NRG3: variants seen among roughly 807,000 people sequenced by gnomAD.
NRG3 encodes neuregulin 3.
NRG3 carries 31 observed loss-of-function variants against 66.9 expected under a neutral mutation model. The ratio of observed to expected loss-of-function variants is 0.46; its 90% CI spans 0.35 to 0.63. NRG3 has a LOEUF of 0.63. NRG3 is among the 20% of genes least tolerant of loss of function. The pLI is 0.00. For missense variants in NRG3, 910 were observed against 878.9 expected, an observed-to-expected ratio of 1.04 and a Z score of -0.45; for synonymous variants, 393 against 359.4, an observed-to-expected ratio of 1.09 and a Z score of -1.06.
intron 2 of NRG3, among the ~76,000 whole-genome samples, chr10:82,502,039 G>A (rs543832552): frequency 6.6e-5 from 10 of 152,300 alleles, no homozygotes; most frequent in African/African-American, 2.4e-4. Flanking sequence ...AAGAGATCCA[G>A]TGTCTTAAGT....
intron 1 of NRG3, among the ~76,000 whole-genome samples, chr10:82,131,902 C>T (rs1242464170): frequency 6.6e-6 from 1 of 151,962 alleles, no homozygotes; most frequent in African/African-American, 2.4e-5. Context: ...CAACTTTGCT[C>T]AGTTTGTTTA....
intron 1 of NRG3, among the ~76,000 whole-genome samples, chr10:82,328,355 T>C (rs2081974932): frequency 6.6e-6 from 1 of 152,212 alleles, no homozygotes; most frequent in Non-Finnish European, 1.5e-5. Context: ...GATTAAGGAA[T>C]TTTTAAAATT....
rs184108987 is a variant in NRG3, at chr10:82,845,080, G to A, written c.1028-20331G>A. Among the ~76,000 whole-genome samples, 47 of 152,244 alleles carry A rather than the reference G, an allele frequency of 3.1e-4. 1 individual carries two copies. Among genetic ancestry groups the A allele is most frequent in the Middle Eastern group, 6.8e-3 (2 of 294 alleles). On this transcript the variant is annotated intron_variant, in intron 3 of 8. Coordinates refer to ENST00000372141, the MANE Select transcript of NRG3 (RefSeq NM_001010848.4). ...TGAGGCAGGAGGAACTCTTGAACCC[G>A]GGACGCAGAGGTTGCAGTGAGCTGA...
At chr10:82,381,147 G>C (rs370307653) in intron 2 of NRG3, among the ~76,000 whole-genome samples, 4 of 152,078 alleles carry the variant, frequency 2.6e-5, no homozygotes, top group African/African-American at 9.7e-5. Flanking sequence ...GTTAATAGTT[G>C]GTGTTTTGGG....
intron 1 of NRG3, among the ~76,000 whole-genome samples, chr10:82,208,168 T>G (rs1346083442): frequency 6.6e-6 from 1 of 152,088 alleles, no homozygotes; most frequent in Non-Finnish European, 1.5e-5. Flanking sequence ...TTTAAAAAGG[T>G]GTGTCTGAGG....
At position 81,875,797 on chromosome 10, in the gene NRG3, C is replaced by G; in HGVS notation, c.457C>G (p.Arg153Gly). ...TGCCGCCTCCTCCAGGACGCCCAAC[C>G]GGATTAGCACTCGCCTGACCACCAT... Reference protein sequence around the residue: ...GGAASSRTPNRISTRLTTITR... With the variant: ...GGAASSRTPNGISTRLTTITR... Residue 153 changes from arginine to glycine, a missense_variant, in exon 1 of 9, where the codon CGG becomes GGG. Arg to Gly is a moderately radical substitution (Grantham distance 125). Transcript: ENST00000372141. The surrounding 1 kb of genome is among the most constrained non-coding windows in gnomAD (Gnocchi z 5.3). The G allele has an allele frequency of 6.2e-7, 1 of 1,610,338 alleles. No homozygotes were observed. Among genetic ancestry groups the G allele is most frequent in the Non-Finnish European group, 8.5e-7 (1 of 1,179,904 alleles).
At chr10:82,000,387 A>G (rs1039763140) in intron 1 of NRG3, among the ~76,000 whole-genome samples, 2 of 152,050 alleles carry the variant, frequency 1.3e-5, no homozygotes, top group African/African-American at 4.8e-5. Context: ...TGGCCACATA[A>G]TGTCATTTTG....
intron 1 of NRG3, among the ~76,000 whole-genome samples, chr10:82,344,082 CT>C (rs2082838817): frequency 6.8e-6 from 1 of 147,040 alleles, no homozygotes; most frequent in African/African-American, 2.6e-5. Flanking sequence ...TTTTATTATA[CT>C]TTAAGTTTTA....
chr10:82,682,375 A>G (rs1463501308), intron 2 of NRG3, among the ~76,000 whole-genome samples: 1 of 150,792 alleles, frequency 6.6e-6, no homozygotes, highest in East Asian at 2.0e-4. Flanking sequence ...GGATAGATAG[A>G]TGATAGGTAG....
At chr10:82,019,653 G>A (rs371758695) in intron 1 of NRG3, among the ~76,000 whole-genome samples, 1 of 151,992 alleles carries the variant, frequency 6.6e-6, no homozygotes, top group Non-Finnish European at 1.5e-5. Flanking sequence ...GCTTCTTCCT[G>A]GTTTAGTCTT....
intron 1 of NRG3, among the ~76,000 whole-genome samples, chr10:81,908,423 A>G (rs1294225201): frequency 6.6e-6 from 1 of 152,176 alleles, no homozygotes; most frequent in Non-Finnish European, 1.5e-5. Flanking sequence ...GCATCCCAAT[A>G]TTCTATAGTA....
intron 2 of NRG3, among the ~76,000 whole-genome samples, chr10:82,421,181 ATAAG>A (rs764076388): frequency 7.2e-5 from 11 of 152,288 alleles, no homozygotes; most frequent in Non-Finnish European, 1.3e-4. Context: ...AATAAAATAA[ATAAG>A]TATTAACACC....
chr10:82,300,209 G>A (rs2080313629), intron 1 of NRG3, among the ~76,000 whole-genome samples: 1 of 150,576 alleles, frequency 6.6e-6, no homozygotes, highest in Non-Finnish European at 1.5e-5. Context: ...ATTGATGGGT[G>A]AAATTGATAT....
chr10:82,503,246 G>T (rs1383379325), intron 2 of NRG3, among the ~76,000 whole-genome samples: 1 of 152,114 alleles, frequency 6.6e-6, no homozygotes, highest in Non-Finnish European at 1.5e-5. Context: ...ATGAACTTTA[G>T]AAGAGGGTGA....
chr10:82,481,317 T>C (rs148199640), intron 2 of NRG3, among the ~76,000 whole-genome samples: 2 of 152,310 alleles, frequency 1.3e-5, no homozygotes, highest in East Asian at 1.9e-4. Context: ...ATTATTTATT[T>C]TGATGGTAGT....
At chr10:82,529,741 C>T (rs954740616) in intron 2 of NRG3, among the ~76,000 whole-genome samples, 5 of 152,022 alleles carry the variant, frequency 3.3e-5, no homozygotes, top group South Asian at 2.1e-4. Flanking sequence ...AAAGAAACAC[C>T]AGCATCTACT....
chr10:82,882,863 C>T (rs1842421925), intron 4 of NRG3, among the ~76,000 whole-genome samples: 1 of 152,138 alleles, frequency 6.6e-6, no homozygotes, highest in African/African-American at 2.4e-5. Context: ...ACAACTAGGA[C>T]CCCAGGAAAA....
intron 4 of NRG3, among the ~76,000 whole-genome samples, chr10:82,883,323 C>T (rs1432108146): frequency 6.6e-6 from 1 of 152,076 alleles, no homozygotes; most frequent in Non-Finnish European, 1.5e-5. Flanking sequence ...TTAGAAGAAG[C>T]CTCGGAGATC....
chr10:82,097,460 G>T (rs2066426239), intron 1 of NRG3, among the ~76,000 whole-genome samples: 2 of 142,694 alleles, frequency 1.4e-5, no homozygotes, highest in South Asian at 2.2e-4. Flanking sequence ...ATATATATCT[G>T]TAATATATAT....
Sources: gnomAD v4.1 joint callset for allele counts (sites outside exome capture counted in the v4.1 genomes callset) on GRCh38, gnomAD v4.1.1 for gene constraint, Gnocchi (gnomAD v3.1) non-coding constraint, MANE v1.5 for transcripts, NCBI Gene and HGNC (gene_info 2026-07-23, HGNC 2026-07-21) for gene names.